The following TECR variants were observed in gnomAD, a reference collection of about 807,000 sequenced individuals.
The protein encoded by TECR is trans-2,3-enoyl-CoA reductase, also known as very-long-chain enoyl-CoA reductase.
In TECR, 19 loss-of-function variants were observed where a neutral mutation model predicts 50.6. The ratio of observed to expected loss-of-function variants is 0.38; its 90% CI spans 0.26 to 0.55. The LOEUF is 0.55. Ranked by LOEUF, TECR falls within the 20% of genes least tolerant of loss-of-function variation. The pLI is 0.79. For missense variants in TECR, 313 were observed against 408.3 expected, an observed-to-expected ratio of 0.77 and a Z score of 2.01; for synonymous variants, 168 against 163.5, an observed-to-expected ratio of 1.03 and a Z score of -0.21.
At chr19:14,561,359 C>T (rs2073895098) in intron 1 of TECR, among the ~76,000 whole-genome samples, 1 of 152,140 alleles carries the variant, frequency 6.6e-6, no homozygotes. Flanking sequence ...TGCCTGCTTG[C>T]CACGACCCCT....
At chr19:14,554,382 C>T (rs2073645941) in intron 1 of TECR, among the ~76,000 whole-genome samples, 3 of 152,184 alleles carry the variant, frequency 2.0e-5, no homozygotes, top group African/African-American at 7.2e-5. Context: ...AGAATCCAAG[C>T]TTCCCGCTCT....
At chr19:14,564,320 C>A in intron 7 of TECR, 33 bp downstream of exon 7, 1 of 1,542,532 alleles carries the variant, frequency 6.5e-7, no homozygotes, top group Non-Finnish European at 8.8e-7. Flanking sequence ...CCCCTAAGCC[C>A]CGCCTTTCTG....
chr19:14,555,702 A>G (rs536579671), intron 1 of TECR, among the ~76,000 whole-genome samples: 2 of 152,128 alleles, frequency 1.3e-5, no homozygotes, highest in East Asian at 3.9e-4. Flanking sequence ...CAGCCTCCCA[A>G]AGTGCTTGGA....
intron 1 of TECR, among the ~76,000 whole-genome samples, chr19:14,541,726 T>G (rs1331587738): frequency 2.0e-5 from 3 of 151,588 alleles, no homozygotes; most frequent in Non-Finnish European, 4.4e-5. Context: ...CGTTGAGGGA[T>G]GAGGCTGACA....
chr19:14,538,325 T>C (rs1165270947), intron 1 of TECR, among the ~76,000 whole-genome samples: 1 of 152,060 alleles, frequency 6.6e-6, no homozygotes, highest in Non-Finnish European at 1.5e-5. Context: ...AGCTTCAGTT[T>C]TGTCACCCTG....
In TECR at chr19:14,563,403, G is replaced by A. The variant is rs1258471244; in HGVS notation, c.118+146G>A. 4.5e-6 allele frequency: 4 copies of A among 897,024 alleles called. No homozygotes were observed. The highest frequency in any genetic ancestry group is 5.4e-6 in the Non-Finnish European group (3 of 560,444). The allele number at this position is 897,024 out of a possible 1,614,324, so 55.6% of individuals were successfully genotyped here. ...AGGCTTCTGGGGCGTGACTGGGGCA[G>A]GCGCCTCCACGTGGCACTCCGCAGG... On this transcript the variant is annotated intron_variant, in intron 3 of 12. Coordinates refer to ENST00000215567, the MANE Select transcript of TECR (RefSeq NM_138501.6). The surrounding 1 kb of genome is among the most constrained non-coding windows in gnomAD (Gnocchi z 5.3).
chr19:14,529,658 G>C lies in TECR; in HGVS notation c.-39G>C, dbSNP rs752733365. On this transcript the variant is annotated 5_prime_UTR_variant, in exon 1 of 13. Transcript: ENST00000215567. ...CTGTGCTGTGCCGCGCAGTTAGGCA[G>C]CAGCAGCCGCGGAGCAGTAGCCGCC... 1 of 1,613,858 alleles carries C rather than the reference G, an allele frequency of 6.2e-7. No homozygotes were observed. Among genetic ancestry groups the C allele is most frequent in the Non-Finnish European group, 8.5e-7 (1 of 1,180,028 alleles).
intron 11 of TECR, 52 bp from the exon 12 acceptor site, chr19:14,565,554 TCCAGGACAGCCA>T (rs1257274244): frequency 8.8e-5 from 138 of 1,568,466 alleles, no homozygotes; most frequent in Non-Finnish European, 1.2e-4. Context: ...GCTGGCTGAG[TCCAGGACAGCCA>T]CATACACGGG....
At chr19:14,553,330 C>T (rs566422408) in intron 1 of TECR, among the ~76,000 whole-genome samples, 2 of 152,266 alleles carry the variant, frequency 1.3e-5, no homozygotes, top group Admixed American at 1.3e-4. Flanking sequence ...CTCGTCTTGC[C>T]AGCACAGGTA....
chr19:14,556,775 C>G (rs369959803), intron 1 of TECR, among the ~76,000 whole-genome samples: 1 of 152,188 alleles, frequency 6.6e-6, no homozygotes, highest in South Asian at 2.1e-4. Context: ...GTTCCTGAGC[C>G]GGCTGCTGCG....
chr19:14,529,656 CAGCAGCAGCCGCGG>C lies in TECR; in HGVS notation c.-35_-22del, dbSNP rs2072538026. 3.1e-6 allele frequency: 5 copies of C among 1,613,760 alleles called. No homozygotes were observed. Among genetic ancestry groups the C allele is most frequent in the South Asian group, 1.1e-5 (1 of 91,086 alleles). On this transcript the variant is annotated 5_prime_UTR_variant, in exon 1 of 13. Transcript: ENST00000215567. ...GCCTGTGCTGTGCCGCGCAGTTAGG[CAGCAGCAGCCGCGG>C]AGCAGTAGCCGCCGTGGGAGGGAGC...
rs756486460 is a variant in TECR at position 14,564,221 on chromosome 19, C to T, written c.423C>T (p.Arg141=). 4 of 1,608,172 alleles carry T rather than the reference C, an allele frequency of 2.5e-6. No homozygotes were observed. Among genetic ancestry groups the T allele is most frequent in the Admixed American group, 1.7e-5 (1 of 59,958 alleles). Residue 141 remains arginine (R), a synonymous_variant, in exon 7 of 13, where the codon CGC becomes CGT. Transcript: ENST00000215567. ...CICHSFHYIK[R]LLETLFVHRF... is the part of the protein sequence containing the mutation. The stretch of plus-strand genomic sequence containing the variant: ...GTCACTCATTCCACTACATCAAGCG[C>T]CTGCTGGAGACGCTCTTCGTGCACC...
rs76484116 is a variant in TECR at position 14,564,260 on chromosome 19, C to G, written c.462C>G (p.Gly154=). The G allele has an allele frequency of 1.2e-6, 2 of 1,606,632 alleles. No homozygotes were observed. Among genetic ancestry groups the G allele is most frequent in the Non-Finnish European group, 1.7e-6 (2 of 1,179,794 alleles). Reference sequence around the variant, plus strand: ...TCTTCGTGCACCGCTTCTCCCATGGCACTATGCCTTTGCGCAACATCTTCA... The same window carrying G: ...TCTTCGTGCACCGCTTCTCCCATGGGACTATGCCTTTGCGCAACATCTTCA... ...ETLFVHRFSH[G]TMPLRNIFKN... is the part of the protein sequence containing the mutation. The change falls in exon 7 of 13, where the codon GGC becomes GGG. Residue 154 remains glycine, a synonymous_variant. Coordinates refer to ENST00000215567, the MANE Select transcript of TECR (RefSeq NM_138501.6).
chr19:14,551,451 C>G (rs2073501533), intron 1 of TECR, among the ~76,000 whole-genome samples: 1 of 152,090 alleles, frequency 6.6e-6, no homozygotes, highest in Non-Finnish European at 1.5e-5. Context: ...CCTAAGCAGT[C>G]CCTGTGTTAG....
At chr19:14,556,100 G>A (rs2073711546) in intron 1 of TECR, among the ~76,000 whole-genome samples, 2 of 152,068 alleles carry the variant, frequency 1.3e-5, no homozygotes, top group South Asian at 4.1e-4. Context: ...CAAAGCCGTG[G>A]CACAGACCGC....
At chr19:14,565,013 GA>G in intron 9 of TECR, 21 bp downstream of exon 9, 1 of 1,613,986 alleles carries the variant, frequency 6.2e-7, no homozygotes, top group Non-Finnish European at 8.5e-7. Flanking sequence ...TGGGTGTGGG[GA>G]CGGGGTCGGG....
At chr19:14,531,612 G>C (rs1485103429) in intron 1 of TECR, 1 of 152,054 alleles carries the variant, frequency 6.6e-6, no homozygotes, top group Non-Finnish European at 1.5e-5. Flanking sequence ...AGTAGAGACA[G>C]GGTTTCTCCA....
chr19:14,542,522 C>T (rs1017942205), intron 1 of TECR, among the ~76,000 whole-genome samples: 5 of 151,554 alleles, frequency 3.3e-5, no homozygotes, highest in Admixed American at 6.6e-5. Context: ...CCACCACTCC[C>T]GGCTAATTTT....
At chr19:14,542,314 T>G (rs1204565490) in intron 1 of TECR, among the ~76,000 whole-genome samples, 1 of 149,046 alleles carries the variant, frequency 6.7e-6, no homozygotes, top group Non-Finnish European at 1.5e-5. Context: ...GGCAGTTCAT[T>G]TTTAAGTCCT....
Sources: allele counts gnomAD v4.1 joint callset (sites outside exome capture counted in the v4.1 genomes callset), GRCh38; gene constraint gnomAD v4.1.1; non-coding constraint Gnocchi (gnomAD v3.1); transcripts MANE v1.5; gene names NCBI Gene and HGNC (gene_info 2026-07-23, HGNC 2026-07-21).